Variants in ASIC2 observed in about 807,000 individuals in gnomAD.
ASIC2 encodes the protein acid sensing ion channel subunit 2.
Under a neutral mutation model 57.3 loss-of-function variants are expected in ASIC2, and 25 were observed. The observed-to-expected ratio is 0.44, with a 90% CI of 0.32 to 0.61. The LOEUF (loss-of-function observed/expected upper bound fraction) is 0.61, where lower values mean the gene tolerates loss of function less well. Among genes scored for constraint, ASIC2 ranks in the 20% least tolerant of loss-of-function variants. ASIC2 has a pLI of 0.06. For synonymous variants in ASIC2, 319 were observed against 307.5 expected (o/e 1.04, Z -0.39); for missense variants, 641 against 738.1 (o/e 0.87, Z 1.52).
intron 1 of ASIC2, among the ~76,000 whole-genome samples, chr17:33,667,215 C>T (rs555510009): frequency 1.3e-5 from 2 of 152,278 alleles, no homozygotes; most frequent in South Asian, 4.2e-4. Flanking sequence ...TTCTACCACG[C>T]CCTCGCCAAG....
intron 1 of ASIC2, among the ~76,000 whole-genome samples, chr17:33,868,147 C>T (rs564415006): frequency 1.3e-5 from 2 of 151,688 alleles, no homozygotes; most frequent in African/African-American, 4.8e-5. Context: ...TATTTATGTG[C>T]CCAAAAACTA....
intron 1 of ASIC2, among the ~76,000 whole-genome samples, chr17:33,674,992 C>T (rs1271065472): frequency 2.6e-5 from 4 of 152,038 alleles, no homozygotes; most frequent in African/African-American, 4.8e-5. Context: ...TGGGGGAAAC[C>T]GAATCAGATA....
At chr17:33,059,075 C>A (rs1273688389) in intron 3 of ASIC2, among the ~76,000 whole-genome samples, 1 of 151,916 alleles carries the variant, frequency 6.6e-6, no homozygotes, top group Non-Finnish European at 1.5e-5. Flanking sequence ...AACCAAAAAC[C>A]AAAAACCAAA....
chr17:33,015,881 A>G (rs2091802874), intron 9 of ASIC2, 90 bp downstream of exon 9: 23 of 1,422,708 alleles, frequency 1.6e-5, no homozygotes, highest in Non-Finnish European at 2.3e-5. Context: ...AGTGAGTCAC[A>G]TCTTTCCTGC....
At chr17:33,601,395 G>A (rs1463066543) in intron 1 of ASIC2, among the ~76,000 whole-genome samples, 1 of 152,146 alleles carries the variant, frequency 6.6e-6, no homozygotes, top group Non-Finnish European at 1.5e-5. Context: ...CCACCTTTGG[G>A]ACTCTGCTCC....
At chr17:33,681,658 G>A (rs1238709803) in intron 1 of ASIC2, among the ~76,000 whole-genome samples, 6 of 152,184 alleles carry the variant, frequency 3.9e-5, no homozygotes, top group Non-Finnish European at 7.3e-5. Context: ...TGTTACTCAC[G>A]CCGTTCCTGC....
At chr17:33,543,027 A>G (rs1006524625) in intron 1 of ASIC2, among the ~76,000 whole-genome samples, 8 of 151,158 alleles carry the variant, frequency 5.3e-5, no homozygotes, top group African/African-American at 2.0e-4. Flanking sequence ...TCAGTAAACT[A>G]TCGCAAGAAC....
intron 1 of ASIC2, among the ~76,000 whole-genome samples, chr17:33,619,302 A>G (rs904543814): frequency 6.6e-6 from 1 of 152,196 alleles, no homozygotes; most frequent in Admixed American, 6.5e-5. Context: ...CACCAATTCA[A>G]TTTCAACATA....
chr17:33,622,189 A>C (rs1368233482), intron 1 of ASIC2, among the ~76,000 whole-genome samples: 2 of 152,108 alleles, frequency 1.3e-5, no homozygotes, highest in African/African-American at 4.8e-5. Context: ...TGATGTGTAC[A>C]AAGTGCTACA....
intron 1 of ASIC2, among the ~76,000 whole-genome samples, chr17:33,551,231 C>G (rs897483569): frequency 6.6e-6 from 1 of 152,074 alleles, no homozygotes; most frequent in African/African-American, 2.4e-5. Context: ...AAAATGTTAT[C>G]TAGGGAATAT....
intron 1 of ASIC2, among the ~76,000 whole-genome samples, chr17:34,110,112 TC>T (rs1911216428): frequency 6.6e-6 from 1 of 152,098 alleles, no homozygotes; most frequent in Non-Finnish European, 1.5e-5. Context: ...TTCCCTCCAA[TC>T]TTTTTCCCAA....
chr17:33,199,797 T>C (rs1321599539), intron 1 of ASIC2, among the ~76,000 whole-genome samples: 2 of 152,202 alleles, frequency 1.3e-5, no homozygotes, highest in African/African-American at 4.8e-5. Context: ...ACATGTCACA[T>C]GTCCATGCTA....
rs191237678 is a variant in ASIC2 at position 33,046,930 on chromosome 17, C to T, written c.988-18538G>A. Reference sequence around the variant, plus strand: ...GGGACACTACTGCAGGGGCAGGGGGCCCACAGGGCAGAACCAACCCCGGAG... The same window carrying T: ...GGGACACTACTGCAGGGGCAGGGGGTCCACAGGGCAGAACCAACCCCGGAG... On this transcript the variant is annotated intron_variant, in intron 3 of 9. Transcript: ENST00000225823. 2.8e-4 allele frequency among the ~76,000 whole-genome samples: 42 copies of T among 152,336 alleles called. No homozygotes were observed. The Middle Eastern group carries it at 0.01, about 37-fold the overall frequency.
intron 1 of ASIC2, among the ~76,000 whole-genome samples, chr17:33,609,672 C>T (rs1054221223): frequency 2.1e-4 from 32 of 152,160 alleles, no homozygotes; most frequent in African/African-American, 7.2e-4. Context: ...TTGTTCCTTC[C>T]AAAATGTAAG....
At chr17:33,209,781 T>C (rs900768652) in intron 1 of ASIC2, among the ~76,000 whole-genome samples, 2 of 152,224 alleles carry the variant, frequency 1.3e-5, no homozygotes, top group Admixed American at 1.3e-4. Context: ...TGCATGAACA[T>C]AGCCAGTGTC....
At chr17:34,074,782 CTT>C (rs35010578) in intron 1 of ASIC2, among the ~76,000 whole-genome samples, 1,862 of 113,840 alleles carry the variant, frequency 0.016, 30 homozygotes, top group African/African-American at 0.061. Flanking sequence ...TTCTTTCTTT[CTT>C]TTTTTTTTTT....
At chr17:34,073,971 T>A (rs1467612737) in intron 1 of ASIC2, among the ~76,000 whole-genome samples, 1 of 152,218 alleles carries the variant, frequency 6.6e-6, no homozygotes, top group Non-Finnish European at 1.5e-5. Context: ...CTGGACTGTC[T>A]GCACATGCAG....
intron 1 of ASIC2, among the ~76,000 whole-genome samples, chr17:33,452,166 C>T (rs1014232615): frequency 2.0e-5 from 3 of 152,212 alleles, no homozygotes; most frequent in Admixed American, 6.5e-5. Context: ...TGTTAGTATT[C>T]GGATTGTCTA....
chr17:33,955,190 G>T (rs1465215479), intron 1 of ASIC2: 1 of 152,130 alleles, frequency 6.6e-6, no homozygotes, highest in African/African-American at 2.4e-5. Flanking sequence ...CAAATCCAAG[G>T]TCTTTCTAAT....
Sources: allele counts gnomAD v4.1 joint callset (sites outside exome capture counted in the v4.1 genomes callset), GRCh38; gene constraint gnomAD v4.1.1; transcripts MANE v1.5; gene names NCBI Gene and HGNC (gene_info 2026-07-23, HGNC 2026-07-21).